The following CNOT10 variants were observed in gnomAD, a reference collection of about 807,000 sequenced individuals.
The protein encoded by CNOT10 is CCR4-NOT transcription complex, subunit 10.
CNOT10 carries 30 observed loss-of-function variants against 94.6 expected under a neutral mutation model. The observed-to-expected ratio is 0.32, with a 90% CI of 0.24 to 0.43. The LOEUF is 0.43. Among genes scored for constraint, CNOT10 ranks in the 20% least tolerant of loss-of-function variants. CNOT10 has a pLI of 1.00. For synonymous variants in CNOT10, 289 were observed against 301.6 expected (o/e 0.96, Z 0.43); for missense variants, 759 against 877.2 (o/e 0.87, Z 1.70).
chr3:32,738,694 C>CG (rs1236646039), intron 13 of CNOT10, among the ~76,000 whole-genome samples: 2 of 151,918 alleles, frequency 1.3e-5, no homozygotes, highest in East Asian at 3.9e-4. Flanking sequence ...GATCTCCTGA[C>CG]GTCGTGATCC....
chr3:32,685,615 A>C, intron 1 of CNOT10, 133 bp downstream of exon 1: 1 of 950,006 alleles, frequency 1.1e-6, no homozygotes, highest in South Asian at 1.5e-5. Context: ...TCTTTACCCC[A>C]TCCTCTGTCT....
intron 1 of CNOT10, among the ~76,000 whole-genome samples, chr3:32,697,708 C>G (rs1316157577): frequency 6.6e-6 from 1 of 152,152 alleles, no homozygotes; most frequent in East Asian, 1.9e-4. Context: ...CTCCTAGGCT[C>G]AAGCAGTCCT....
intron 17 of CNOT10, 39 bp downstream of exon 17, chr3:32,764,848 G>A (rs1382619209): frequency 3.7e-6 from 6 of 1,603,518 alleles, no homozygotes; most frequent in Non-Finnish European, 5.1e-6. Flanking sequence ...TTGTAAAGCA[G>A]CCAACACAAG....
chr3:32,703,448 A>G (rs954430118), intron 1 of CNOT10, among the ~76,000 whole-genome samples: 3 of 152,168 alleles, frequency 2.0e-5, no homozygotes, highest in African/African-American at 7.2e-5. Flanking sequence ...TAAATGAGGC[A>G]CAGTAAGAGA....
At chr3:32,696,666 T>G (rs1252605462) in intron 1 of CNOT10, among the ~76,000 whole-genome samples, 1 of 152,032 alleles carries the variant, frequency 6.6e-6, no homozygotes, top group East Asian at 1.9e-4. Context: ...TGGCACAATC[T>G]CAGCTCACTG....
intron 1 of CNOT10, among the ~76,000 whole-genome samples, chr3:32,697,695 G>C (rs1309809583): frequency 1.3e-5 from 2 of 152,108 alleles, no homozygotes; most frequent in Non-Finnish European, 2.9e-5. Flanking sequence ...GGCTGGTCTG[G>C]AACTCCTAGG....
intron 7 of CNOT10, among the ~76,000 whole-genome samples, chr3:32,717,906 A>G (rs1698194960): frequency 6.6e-6 from 1 of 152,092 alleles, no homozygotes; most frequent in Non-Finnish European, 1.5e-5. Flanking sequence ...TAAAAATCTA[A>G]CAGTCAAATT....
intron 3 of CNOT10, among the ~76,000 whole-genome samples, chr3:32,705,391 G>A (rs1368708930): frequency 2.0e-5 from 3 of 152,158 alleles, no homozygotes; most frequent in African/African-American, 4.8e-5. Context: ...GGCTTGAATT[G>A]GGGATTGGTC....
chr3:32,769,240 G>C (rs1700793448), intron 17 of CNOT10: 1 of 152,340 alleles, frequency 6.6e-6, no homozygotes, highest in Non-Finnish European at 1.5e-5. Flanking sequence ...GAATATTTTG[G>C]CTGTAGCTCA....
intron 1 of CNOT10, among the ~76,000 whole-genome samples, chr3:32,696,388 C>G (rs539422950): frequency 6.6e-6 from 1 of 151,900 alleles, no homozygotes; most frequent in African/African-American, 2.4e-5. Context: ...ATACTGGGCT[C>G]AAGCAATCTT....
chr3:32,724,743 G>C (rs1698591427), intron 8 of CNOT10, among the ~76,000 whole-genome samples: 3 of 151,438 alleles, frequency 2.0e-5, no homozygotes, highest in Admixed American at 6.6e-5. Context: ...GTTTTTAGTG[G>C]AGGTGGGGTT....
intron 5 of CNOT10, among the ~76,000 whole-genome samples, chr3:32,713,633 C>T (rs527691504): frequency 6.6e-6 from 1 of 152,136 alleles, no homozygotes; most frequent in Non-Finnish European, 1.5e-5. Flanking sequence ...AAAAGAAACC[C>T]TGTACCATTT....
chr3:32,747,468 G>A (rs1047530283), intron 13 of CNOT10, among the ~76,000 whole-genome samples: 1 of 151,522 alleles, frequency 6.6e-6, no homozygotes, highest in Non-Finnish European at 1.5e-5. Flanking sequence ...AATTTTACGT[G>A]TTTCTTTTAA....
intron 17 of CNOT10, among the ~76,000 whole-genome samples, chr3:32,768,443 C>T (rs554012965): frequency 1.1e-4 from 16 of 152,004 alleles, no homozygotes; most frequent in Non-Finnish European, 1.9e-4. Context: ...ATTAGCTGGG[C>T]GTGGTGGCAG....
At chr3:32,714,268 G>A (rs1477559381) in intron 5 of CNOT10, among the ~76,000 whole-genome samples, 3 of 151,998 alleles carry the variant, frequency 2.0e-5, no homozygotes, top group African/African-American at 2.4e-5. Context: ...TAATGACTAA[G>A]GATGTACATT....
chr3:32,745,353 T>C (rs1699645119), intron 13 of CNOT10, among the ~76,000 whole-genome samples: 1 of 152,190 alleles, frequency 6.6e-6, no homozygotes, highest in Non-Finnish European at 1.5e-5. Context: ...AATCTACAGA[T>C]TTGGAACCTG....
intron 8 of CNOT10, among the ~76,000 whole-genome samples, chr3:32,723,271 T>G (rs1698503912): frequency 6.6e-6 from 1 of 151,776 alleles, no homozygotes; most frequent in African/African-American, 2.4e-5. Context: ...CGGGCGCCTG[T>G]AGTCCCAGCT....
intron 13 of CNOT10, among the ~76,000 whole-genome samples, chr3:32,757,523 C>A (rs891384026): frequency 6.6e-6 from 1 of 152,076 alleles, no homozygotes; most frequent in Non-Finnish European, 1.5e-5. Context: ...CTTTAATAGT[C>A]TTTTTTTGTT....
intron 18 of CNOT10, 65 bp from the exon 19 acceptor site, chr3:32,773,392 T>C: frequency 1.3e-6 from 2 of 1,485,192 alleles, no homozygotes; most frequent in South Asian, 2.7e-5. Context: ...AGGATTTTCA[T>C]GTCTTGCTTT....
Sources: allele counts gnomAD v4.1 joint callset (sites outside exome capture counted in the v4.1 genomes callset), GRCh38; gene constraint gnomAD v4.1.1; transcripts MANE v1.5; gene names NCBI Gene and HGNC (gene_info 2026-07-23, HGNC 2026-07-21).